The following ERBIN variants were observed in gnomAD, a reference collection of about 807,000 sequenced individuals.
ERBIN encodes the protein densin-180-like protein.
Under a neutral mutation model 158.4 loss-of-function variants are expected in ERBIN, and 60 were observed. The observed-to-expected ratio is 0.38, with a 90% CI of 0.31 to 0.47. The LOEUF (loss-of-function observed/expected upper bound fraction) is 0.47. ERBIN is among the 20% of genes least tolerant of loss of function. The pLI, the probability that ERBIN is intolerant of heterozygous loss-of-function variation, is 0.99. For synonymous variants in ERBIN, 594 were observed against 557.2 expected (o/e 1.07, Z -0.93); for missense variants, 1,610 against 1,648.0 (o/e 0.98, Z 0.40).
At chr5:65,940,019 C>G (rs1222034765) in intron 1 of ERBIN, among the ~76,000 whole-genome samples, 11 of 145,562 alleles carry the variant, frequency 7.6e-5, no homozygotes, top group Admixed American at 5.5e-4. Context: ...TCGTCTGGGA[C>G]GTGAGGAGCC....
intron 22 of ERBIN, among the ~76,000 whole-genome samples, chr5:66,072,648 G>A (rs1240088173): frequency 6.6e-6 from 1 of 152,078 alleles, no homozygotes; most frequent in African/African-American, 2.4e-5. Context: ...TTCATTCTAG[G>A]ATCTTTTACT....
rs1756183716 is a variant in ERBIN at position 66,025,831 on chromosome 5, C to A, written c.891-17C>A. The A allele has an allele frequency of 5.9e-6, 8 of 1,354,600 alleles. No homozygotes were observed. The highest frequency in any genetic ancestry group is 2.9e-5 in the Admixed American group (1 of 34,062). 83.9% of individuals were successfully genotyped at this position (1,354,600 alleles called of 1,614,324 possible). ...AATCTTTAACAAATAATATATATTT[C>A]TTTTTTTAAATTAAAGGTTAATATC... On this transcript the variant is annotated splice_polypyrimidine_tract_variant and intron_variant, in intron 11 of 25. Coordinates refer to ENST00000284037, the MANE Select transcript of ERBIN (RefSeq NM_001253697.2).
intron 7 of ERBIN, among the ~76,000 whole-genome samples, chr5:66,017,824 G>C (rs957569638): frequency 6.6e-6 from 1 of 152,100 alleles, no homozygotes; most frequent in Non-Finnish European, 1.5e-5. Context: ...TCAGGTGTTA[G>C]ATTTAAGTCT....
At chr5:66,021,887 G>A (rs981086151) in intron 8 of ERBIN, among the ~76,000 whole-genome samples, 7 of 152,032 alleles carry the variant, frequency 4.6e-5, no homozygotes, top group African/African-American at 1.7e-4. Context: ...GCGCTATGAA[G>A]CTGACTCTAA....
At chr5:66,000,035 T>C (rs971846949) in intron 4 of ERBIN, among the ~76,000 whole-genome samples, 23 of 152,232 alleles carry the variant, frequency 1.5e-4, no homozygotes, top group Admixed American at 1.2e-3. Flanking sequence ...TCTAGAATTA[T>C]TGTCACTTTA....
Position 66,044,324 on chromosome 5 carries a change from A to G in ERBIN, c.1602+14A>G, listed in dbSNP as rs1758200052. On this transcript the variant is annotated intron_variant, in intron 17 of 25. Coordinates refer to ENST00000284037, the MANE Select transcript of ERBIN (RefSeq NM_001253697.2). ...GTGGGTGTGAAGGTTAGAAAATTCA[A>G]AAGGATTAACCAAAGCCTATTTCAA... is the stretch of plus-strand genomic sequence containing the variant. 6.3e-7 allele frequency: 1 copy of G among 1,576,654 alleles called. No individual in the cohort carries two copies. The highest frequency in any genetic ancestry group is 8.6e-7 in the Non-Finnish European group (1 of 1,168,320).
In ERBIN at chr5:66,050,823, A is replaced by C; in HGVS notation, c.1944A>C (p.Thr648=). 3 of 1,585,938 alleles carry C rather than the reference A, an allele frequency of 1.9e-6. No homozygotes were observed. The highest frequency in any genetic ancestry group is 2.6e-6 in the Non-Finnish European group (3 of 1,170,232). ...CAGATTCTTTATCAGATGAAGTTAC[A>C]CACAATAGCAATCAGAATAACAGCA... The part of the protein sequence containing the change: ...KETDSLSDEV[T]HNSNQNNSNC... The change falls in exon 20 of 26, where the codon ACA becomes ACC. Residue 648 remains threonine, a synonymous_variant. Coordinates refer to ENST00000284037, the MANE Select transcript of ERBIN (RefSeq NM_001253697.2).
chr5:65,958,588 C>T (rs1203454180), intron 1 of ERBIN, among the ~76,000 whole-genome samples: 1 of 142,918 alleles, frequency 7.0e-6, no homozygotes, highest in African/African-American at 2.7e-5. Context: ...CCAGCTTCGG[C>T]TGGGCATCAG....
At chr5:66,047,166 A>G (rs1758524769) in intron 18 of ERBIN, among the ~76,000 whole-genome samples, 1 of 152,048 alleles carries the variant, frequency 6.6e-6, no homozygotes, top group African/African-American at 2.4e-5. Flanking sequence ...CCAAAAATCT[A>G]CTTTATATGC....
intron 1 of ERBIN, among the ~76,000 whole-genome samples, chr5:65,950,858 T>C (rs1011847027): frequency 3.9e-5 from 6 of 152,140 alleles, no homozygotes; most frequent in Non-Finnish European, 7.3e-5. Context: ...AAAGAGAATA[T>C]GGCATAGTAA....
intron 1 of ERBIN, among the ~76,000 whole-genome samples, chr5:65,950,449 T>C (rs1248008864): frequency 6.6e-6 from 1 of 152,230 alleles, no homozygotes; most frequent in Non-Finnish European, 1.5e-5. Context: ...TGTGGATATT[T>C]AGAAAGAATA....
chr5:66,004,761 T>C (rs1753405652), intron 4 of ERBIN, among the ~76,000 whole-genome samples: 1 of 152,000 alleles, frequency 6.6e-6, no homozygotes, highest in African/African-American at 2.4e-5. Flanking sequence ...GGTAACACAG[T>C]TGTTGAGGGT....
chr5:66,073,244 T>TA (rs1472955741), intron 22 of ERBIN, among the ~76,000 whole-genome samples: 2 of 152,200 alleles, frequency 1.3e-5, no homozygotes, highest in Non-Finnish European at 2.9e-5. Context: ...AGGAGAAAGA[T>TA]ACTGAATTTG....
intron 22 of ERBIN, among the ~76,000 whole-genome samples, chr5:66,074,392 T>C (rs1302782598): frequency 6.7e-6 from 1 of 148,482 alleles, no homozygotes; most frequent in Non-Finnish European, 1.5e-5. Flanking sequence ...TTAATTTTTA[T>C]GGCTAATAGT....
intron 1 of ERBIN, among the ~76,000 whole-genome samples, chr5:65,961,911 T>A (rs1747970162): frequency 6.6e-6 from 1 of 152,168 alleles, no homozygotes; most frequent in Non-Finnish European, 1.5e-5. Flanking sequence ...CCTTACATAG[T>A]ACTGTATCTT....
intron 1 of ERBIN, among the ~76,000 whole-genome samples, chr5:65,957,374 A>G (rs1747289611): frequency 6.6e-6 from 1 of 152,168 alleles, no homozygotes; most frequent in African/African-American, 2.4e-5. Context: ...GGCCTTCCGC[A>G]GTGTTTGTAT....
At chr5:66,071,519 C>T (rs1031882212) in intron 21 of ERBIN, among the ~76,000 whole-genome samples, 2 of 152,134 alleles carry the variant, frequency 1.3e-5, no homozygotes, top group African/African-American at 4.8e-5. Context: ...TAGCATTTCT[C>T]CATATCAGTA....
intron 1 of ERBIN, among the ~76,000 whole-genome samples, chr5:65,948,130 C>T (rs1746023056): frequency 6.6e-6 from 1 of 151,672 alleles, no homozygotes; most frequent in Non-Finnish European, 1.5e-5. Context: ...CTATAGCTGT[C>T]AAGATCTTTT....
chr5:65,982,478 G>T (rs988795464), intron 1 of ERBIN, among the ~76,000 whole-genome samples: 2 of 152,006 alleles, frequency 1.3e-5, no homozygotes, highest in African/African-American at 4.8e-5. Context: ...GTGTACTCTC[G>T]ATCACAGTAA....
Sources: allele counts gnomAD v4.1 joint callset (sites outside exome capture counted in the v4.1 genomes callset), GRCh38; gene constraint gnomAD v4.1.1; transcripts MANE v1.5; gene names NCBI Gene and HGNC (gene_info 2026-07-23, HGNC 2026-07-21).